The following GPBP1L1 variants were observed in gnomAD, a reference collection of about 807,000 sequenced individuals.
GPBP1L1 encodes the protein vasculin-like protein 1.
A neutral mutation model predicts 52.5 loss-of-function variants in GPBP1L1; 23 were observed. That is an observed-to-expected ratio of 0.44 (90% CI 0.32 to 0.62). The LOEUF (loss-of-function observed/expected upper bound fraction) is 0.62, where lower values mean the gene tolerates loss of function less well. Ranked by LOEUF, GPBP1L1 falls within the 20% of genes least tolerant of loss-of-function variation. GPBP1L1 has a pLI of 0.06. For synonymous variants in GPBP1L1, 243 were observed against 203.1 expected, an observed-to-expected ratio of 1.20 and a Z score of -1.67; for missense variants, 596 against 579.3, an observed-to-expected ratio of 1.03 and a Z score of -0.30.
intron 2 of GPBP1L1, among the ~76,000 whole-genome samples, chr1:45,678,455 A>G (rs1645172983): frequency 6.6e-6 from 1 of 152,230 alleles, no homozygotes; most frequent in African/African-American, 2.4e-5. Flanking sequence ...TAAAGAACCA[A>G]TCTTAGCATT....
At chr1:45,649,463 T>A (rs201326758) in intron 6 of GPBP1L1, among the ~76,000 whole-genome samples, 1 of 152,022 alleles carries the variant, frequency 6.6e-6, no homozygotes, top group African/African-American at 2.4e-5. Context: ...GCTTTTTTTT[T>A]TTTCATGGCC....
At chr1:45,673,234 G>A (rs760128466) in intron 2 of GPBP1L1, among the ~76,000 whole-genome samples, 2 of 152,208 alleles carry the variant, frequency 1.3e-5, no homozygotes, top group African/African-American at 4.8e-5. Context: ...AGCTTGGAAG[G>A]TCTACCCTGA....
Position 45,660,600 on chromosome 1 carries a change from A to G in GPBP1L1, c.-472T>C, listed in dbSNP as rs1290539047. 10 of 978,866 alleles carry G rather than the reference A, an allele frequency of 1.0e-5. No individual in the cohort carries two copies. The highest frequency in any genetic ancestry group is 1.8e-5 in the African/African-American group (1 of 57,118). 60.6% of individuals were successfully genotyped at this position (978,866 alleles called of 1,614,324 possible). A position where few individuals can be genotyped will look rare whatever the true frequency, so the allele number is the denominator to read the frequency against. On this transcript the variant is annotated 5_prime_UTR_variant, in exon 3 of 13. Coordinates refer to ENST00000355105, the MANE Select transcript of GPBP1L1 (RefSeq NM_021639.5). ...GTTCATAACAAGGTCATAGCTAGAA[A>G]GACAGATGGGCTCAAGTGTGGACAA...
chr1:45,659,634 T>C (rs977705301), intron 3 of GPBP1L1, among the ~76,000 whole-genome samples: 2 of 152,210 alleles, frequency 1.3e-5, no homozygotes, highest in Non-Finnish European at 2.9e-5. Flanking sequence ...AGGTAACTTC[T>C]AGCAAAAGCA....
At position 45,654,819 on chromosome 1, in the gene GPBP1L1, G is replaced by C. The variant is rs1644864620; in HGVS notation, c.201C>G (p.His67Gln). The C allele has an allele frequency of 6.2e-7, 1 of 1,613,926 alleles. No individual in the cohort carries two copies. The highest frequency in any genetic ancestry group is 8.5e-7 in the Non-Finnish European group (1 of 1,179,908). Residue 67 changes from histidine to glutamine, a missense_variant, in exon 6 of 13, where the codon CAC (histidine) becomes CAG (glutamine). Physicochemically the swap from His to Gln is conservative, Grantham distance 24. Transcript: ENST00000355105. ...GPLRTAGDSW[H>Q]QPSLFRHDSV... Reference sequence around the variant, plus strand: ...AATCATGGCGGAACAGGGAGGGCTGGTGCCAAGAATCTAGAATAGTAAAGA... The same window carrying C: ...AATCATGGCGGAACAGGGAGGGCTGCTGCCAAGAATCTAGAATAGTAAAGA...
chr1:45,653,992 C>A (rs1305742120), intron 6 of GPBP1L1, among the ~76,000 whole-genome samples: 2 of 151,926 alleles, frequency 1.3e-5, no homozygotes, highest in African/African-American at 4.8e-5. Flanking sequence ...AGCCACCGAG[C>A]CCAGCCTGAT....
At chr1:45,648,302 T>C (rs1256816047) in intron 6 of GPBP1L1, among the ~76,000 whole-genome samples, 3 of 152,204 alleles carry the variant, frequency 2.0e-5, no homozygotes, top group Non-Finnish European at 4.4e-5. Context: ...CCTTCATTAC[T>C]CCAATCTTGC....
In GPBP1L1 at chr1:45,680,780, T is replaced by G. The variant is rs138842452; in HGVS notation, c.-1098+4796A>C. Among the ~76,000 whole-genome samples the G allele has an allele frequency of 4.0e-4, 61 of 151,668 alleles. 1 individual carries two copies. The East Asian group carries it at 0.011, about 28-fold the overall frequency. On this transcript the variant is annotated intron_variant, in intron 2 of 12. Coordinates refer to ENST00000355105, the MANE Select transcript of GPBP1L1 (RefSeq NM_021639.5). ...TGTTGATTAAATGAGTGAATGTATA[T>G]AAAGTGTTAAGAGTAATGCCTGGAT...
At position 45,660,900 on chromosome 1, in the gene GPBP1L1, G is replaced by C. The variant is rs1018913991; in HGVS notation, c.-772C>G. 4.6e-5 allele frequency: 7 copies of C among 152,142 alleles called. No individual in the cohort carries two copies. The highest frequency in any genetic ancestry group is 2.6e-4 in the Admixed American group (4 of 15,268). 9.4% of individuals were successfully genotyped at this position (152,142 alleles called of 1,614,324 possible). A position where few individuals can be genotyped will look rare whatever the true frequency, so the allele number is the denominator to read the frequency against. ...TCCCTCCACGAACAGCAGCTTTCAA[G>C]GCAAATTTCTTGGTATAAAGCTACT... On this transcript the variant is annotated 5_prime_UTR_variant, in exon 3 of 13. Transcript: ENST00000355105.
At chr1:45,636,877 T>G (rs910821266) in intron 8 of GPBP1L1, among the ~76,000 whole-genome samples, 1 of 152,206 alleles carries the variant, frequency 6.6e-6, no homozygotes, top group African/African-American at 2.4e-5. Context: ...TCTGGAACAG[T>G]AGAAAGAGCC....
At chr1:45,642,767 G>A (rs1644690522) in intron 6 of GPBP1L1, among the ~76,000 whole-genome samples, 1 of 152,176 alleles carries the variant, frequency 6.6e-6, no homozygotes, top group African/African-American at 2.4e-5. Flanking sequence ...CAGACTAAAT[G>A]TGCGAATTCC....
intron 12 of GPBP1L1, 122 bp downstream of exon 12, chr1:45,629,454 T>TCCGCC: frequency 8.7e-6 from 1 of 115,396 alleles, no homozygotes; most frequent in Non-Finnish European, 1.6e-5. Context: ...ACTAAGGTAA[T>TCCGCC]CCCCCCCCCC....
At chr1:45,680,861 T>C (rs1234503460) in intron 2 of GPBP1L1, among the ~76,000 whole-genome samples, 4 of 152,040 alleles carry the variant, frequency 2.6e-5, no homozygotes, top group Non-Finnish European at 5.9e-5. Context: ...GAGTATACCA[T>C]AAGTGCAAAT....
At chr1:45,631,814 G>GGAGGCT (rs111959998) in intron 10 of GPBP1L1, among the ~76,000 whole-genome samples, 2 of 152,130 alleles carry the variant, frequency 1.3e-5, no homozygotes, top group Non-Finnish European at 2.9e-5. Flanking sequence ...CAGCTACTCG[G>GGAGGCT]GAGGCTGAGG....
At chr1:45,683,698 T>A (rs1645240821) in intron 2 of GPBP1L1, among the ~76,000 whole-genome samples, 1 of 144,468 alleles carries the variant, frequency 6.9e-6, no homozygotes, top group African/African-American at 2.6e-5. Flanking sequence ...GTCCCTGAGT[T>A]CGAGACCAGC....
chr1:45,654,576 C>G lies in GPBP1L1; in HGVS notation c.444G>C (p.Lys148Asn), dbSNP rs746006382. 18 of 1,612,502 alleles carry G rather than the reference C, an allele frequency of 1.1e-5. No homozygotes were observed. The Admixed American group carries it at 3.0e-4, about 27-fold the overall frequency. ...MEIREEKKEDKVEKLQFEEED... is the reference protein window; with the variant it reads ...MEIREEKKEDNVEKLQFEEED... Reference sequence around the variant, plus strand: ...CCTCTTCAAACTGCAACTTTTCCACCTTGTCTTCTTTCTTTTCTTCCCTAA... The same window carrying G: ...CCTCTTCAAACTGCAACTTTTCCACGTTGTCTTCTTTCTTTTCTTCCCTAA... Residue 148 changes from lysine (K) to asparagine (N), a missense_variant, in exon 6 of 13, where the codon AAG (lysine) becomes AAC (asparagine). Transcript: ENST00000355105.
chr1:45,632,860 A>C (rs1479894817), intron 10 of GPBP1L1, among the ~76,000 whole-genome samples: 3 of 152,210 alleles, frequency 2.0e-5, no homozygotes, highest in Admixed American at 6.5e-5. Flanking sequence ...GAAAACAGAC[A>C]ACCTCATTAA....
chr1:45,651,737 A>G, intron 6 of GPBP1L1: 1 of 389,558 alleles, frequency 2.6e-6, no homozygotes, highest in East Asian at 4.3e-5. Context: ...TTTCTTAAAT[A>G]GCGGATTCAC....
At chr1:45,629,092 C>T (rs1644495250) in intron 12 of GPBP1L1, among the ~76,000 whole-genome samples, 1 of 152,162 alleles carries the variant, frequency 6.6e-6, no homozygotes, top group Non-Finnish European at 1.5e-5. Flanking sequence ...TTTATAGAAA[C>T]CCCATTTGTC....
Sources: allele counts gnomAD v4.1 joint callset (sites outside exome capture counted in the v4.1 genomes callset), GRCh38; gene constraint gnomAD v4.1.1; transcripts MANE v1.5; gene names NCBI Gene and HGNC (gene_info 2026-07-23, HGNC 2026-07-21).